The following GRAMD2B variants were observed in gnomAD, a reference collection of about 807,000 sequenced individuals.
GRAMD2B encodes GRAM domain containing 2B.
In GRAMD2B, 41 loss-of-function variants were observed where a neutral mutation model predicts 59.2. That is an observed-to-expected ratio of 0.69 (90% CI 0.54 to 0.90). The LOEUF (loss-of-function observed/expected upper bound fraction) is 0.90, where lower values mean the gene tolerates loss of function less well. GRAMD2B is among the 40% of genes least tolerant of loss of function. The probability of loss-of-function intolerance (pLI) is 0.00; values close to 1 mark genes in which losing one functional copy is unlikely to be tolerated. For missense variants in GRAMD2B, 424 were observed against 500.5 expected, an observed-to-expected ratio of 0.85 and a Z score of 1.46; for synonymous variants, 161 against 182.7, an observed-to-expected ratio of 0.88 and a Z score of 0.96.
intron 1 of GRAMD2B, among the ~76,000 whole-genome samples, chr5:126,383,235 AT>A (rs1379112027): frequency 6.6e-6 from 1 of 152,244 alleles, no homozygotes; most frequent in South Asian, 2.1e-4. Flanking sequence ...AAAAAATTCA[AT>A]CAGGTTCATT....
At chr5:126,399,543 C>A (rs779683137) in intron 1 of GRAMD2B, among the ~76,000 whole-genome samples, 1 of 152,144 alleles carries the variant, frequency 6.6e-6, no homozygotes, top group African/African-American at 2.4e-5. Flanking sequence ...CCTTCCCCTT[C>A]GCCTTCCACC....
At chr5:126,492,763 A>G (rs949413798) in intron 13 of GRAMD2B, 152 bp from the exon 14 acceptor site, 4 of 549,532 alleles carry the variant, frequency 7.3e-6, no homozygotes, top group Admixed American at 6.3e-5. Context: ...TAGTCTATGA[A>G]AAAGCATCTA....
intron 1 of GRAMD2B, among the ~76,000 whole-genome samples, chr5:126,407,982 G>A (rs1758405233): frequency 6.6e-6 from 1 of 151,578 alleles, no homozygotes; most frequent in African/African-American, 2.4e-5. Context: ...TAGACTTGGG[G>A]TTCATGTGCA....
intron 1 of GRAMD2B, among the ~76,000 whole-genome samples, chr5:126,393,966 T>C (rs1757085396): frequency 6.6e-6 from 1 of 151,956 alleles, no homozygotes; most frequent in South Asian, 2.1e-4. Flanking sequence ...CATAACTATG[T>C]CAATTGTTAA....
intron 5 of GRAMD2B, among the ~76,000 whole-genome samples, chr5:126,475,228 G>A (rs1202498470): frequency 6.6e-6 from 1 of 152,150 alleles, no homozygotes; most frequent in African/African-American, 2.4e-5. Context: ...ATCACATTCT[G>A]TCTAAGCTCA....
In GRAMD2B at chr5:126,423,449, G is replaced by A. The variant is rs71586092; in HGVS notation, c.-158G>A. 7.0e-7 allele frequency: 1 copy of A among 1,418,760 alleles called. No homozygotes were observed. Among genetic ancestry groups the A allele is most frequent in the East Asian group, 2.9e-5 (1 of 34,042 alleles). 87.9% of individuals were successfully genotyped at this position (1,418,760 alleles called of 1,614,324 possible). A position where few individuals can be genotyped will look rare whatever the true frequency, so the allele number is the denominator to read the frequency against. On this transcript the variant is annotated 5_prime_UTR_variant, in exon 1 of 14. Transcript: ENST00000285689. ...GACGTGTCCAGGTCCGCGGCCCCGG[G>A]AGCTTGGCGCGGCCCGGCCTGGATG...
intron 1 of GRAMD2B, among the ~76,000 whole-genome samples, chr5:126,387,786 T>C (rs1198642517): frequency 1.3e-5 from 2 of 152,094 alleles, no homozygotes; most frequent in African/African-American, 4.8e-5. Context: ...TATATACACA[T>C]AAATTTATAA....
intron 2 of GRAMD2B, 45 bp downstream of exon 2, chr5:126,465,590 G>A: frequency 6.3e-7 from 1 of 1,581,508 alleles, no homozygotes; most frequent in Non-Finnish European, 8.6e-7. Context: ...GTCTTTTGGG[G>A]AGAAGGCGTT....
At chr5:126,395,539 T>C (rs982665408) in intron 1 of GRAMD2B, among the ~76,000 whole-genome samples, 10 of 152,200 alleles carry the variant, frequency 6.6e-5, no homozygotes, top group African/African-American at 2.4e-4. Context: ...AAACATGTCT[T>C]GATGGGAAAT....
chr5:126,447,396 C>T (rs546898680), intron 1 of GRAMD2B, among the ~76,000 whole-genome samples: 1 of 152,202 alleles, frequency 6.6e-6, no homozygotes, highest in African/African-American at 2.4e-5. Context: ...GGCGCAGTGG[C>T]TCACGCCTGT....
rs184167994 is a variant in GRAMD2B at position 126,468,505 on chromosome 5, T to C, written c.204-1172T>C. Among the ~76,000 whole-genome samples, 297 of 152,276 alleles carry C rather than the reference T, an allele frequency of 2.0e-3. 2 individuals are homozygous for C. The highest frequency in any genetic ancestry group is 6.9e-3 in the African/African-American group (286 of 41,556). ...TTTTTTTAATTTAACTTTATTTTTT[T>C]GAGACAGAATATTGCTCTGTCCCCC... On this transcript the variant is annotated intron_variant, in intron 2 of 13. Coordinates refer to ENST00000285689, the MANE Select transcript of GRAMD2B (RefSeq NM_023927.4).
intron 1 of GRAMD2B, among the ~76,000 whole-genome samples, chr5:126,377,673 A>G (rs1041764738): frequency 3.3e-5 from 5 of 152,220 alleles, no homozygotes; most frequent in Admixed American, 6.5e-5. Context: ...CACGTAAGTT[A>G]TCACTGGCTG....
Position 126,478,267 on chromosome 5 carries a change from G to A in GRAMD2B, c.582+480G>A, listed in dbSNP as rs539028047. On this transcript the variant is annotated intron_variant, in intron 6 of 13. Coordinates refer to ENST00000285689, the MANE Select transcript of GRAMD2B (RefSeq NM_023927.4). ...AGCCTGGGCAACATGGTGAAACCCC[G>A]TCTCTACAAAAAATATAAAAATTAG... 1.1e-4 allele frequency among the ~76,000 whole-genome samples: 17 copies of A among 150,286 alleles called. No individual in the cohort carries two copies. In the East Asian group the frequency reaches 2.0e-3, roughly 18 times the overall value.
At chr5:126,447,724 A>G (rs1182370821) in intron 1 of GRAMD2B, among the ~76,000 whole-genome samples, 1 of 152,000 alleles carries the variant, frequency 6.6e-6, no homozygotes, top group African/African-American at 2.4e-5. Context: ...GAGCTGATTT[A>G]AGGAACATGA....
chr5:126,394,789 T>C (rs917091520), intron 1 of GRAMD2B, among the ~76,000 whole-genome samples: 4 of 152,234 alleles, frequency 2.6e-5, no homozygotes, highest in African/African-American at 9.6e-5. Flanking sequence ...TGTTTTGTAA[T>C]CTCAAGAAAC....
chr5:126,430,689 GA>G (rs925666649), intron 1 of GRAMD2B, among the ~76,000 whole-genome samples: 1 of 151,720 alleles, frequency 6.6e-6, no homozygotes, highest in African/African-American at 2.4e-5. Flanking sequence ...CTTTTCACAA[GA>G]AAAAAAGAAA....
chr5:126,372,903 A>T (rs1376714572), intron 1 of GRAMD2B, among the ~76,000 whole-genome samples: 1 of 152,170 alleles, frequency 6.6e-6, no homozygotes, highest in East Asian at 1.9e-4. Context: ...AAAAAAATTA[A>T]ATTAAATCAA....
chr5:126,442,857 A>T (rs80157173), intron 1 of GRAMD2B, among the ~76,000 whole-genome samples: 4,533 of 152,164 alleles, frequency 0.03, 91 homozygotes, highest in Middle Eastern at 0.044. Flanking sequence ...AAATAAAATT[A>T]AAAAAAACCA....
At chr5:126,449,389 G>C (rs1167397457) in intron 1 of GRAMD2B, among the ~76,000 whole-genome samples, 2 of 152,012 alleles carry the variant, frequency 1.3e-5, no homozygotes, top group Non-Finnish European at 2.9e-5. Context: ...ATTCTATATT[G>C]TTGACACTAA....
Sources: allele counts gnomAD v4.1 joint callset (sites outside exome capture counted in the v4.1 genomes callset), GRCh38; gene constraint gnomAD v4.1.1; transcripts MANE v1.5; gene names NCBI Gene and HGNC (gene_info 2026-07-23, HGNC 2026-07-21).